Variants in SYT7 observed in about 807,000 individuals in gnomAD.
The protein encoded by SYT7 is synaptotagmin 7.
Under a neutral mutation model 75.1 loss-of-function variants are expected in SYT7, and 29 were observed. That is an observed-to-expected ratio of 0.39 (90% CI 0.29 to 0.53). SYT7 has a LOEUF of 0.53. Ranked by LOEUF, SYT7 falls within the 20% of genes least tolerant of loss-of-function variation. The pLI is 0.77. For missense variants in SYT7, 693 were observed against 953.2 expected (o/e 0.73, Z 3.59); for synonymous variants, 376 against 401.7 (o/e 0.94, Z 0.76).
chr11:61,551,614 G>A lies in SYT7; in HGVS notation c.136-151C>T. On this transcript the variant is annotated intron_variant, in intron 2 of 12. Coordinates refer to ENST00000539008, the MANE Select transcript of SYT7 (RefSeq NM_001365809.2). This position sits in a 1 kb window ranked among gnomAD's most constrained non-coding sequence, Gnocchi z 5.3. ...GTGTGCGAGGCTGTCACCGCGGTGG[G>A]GGCCAATCCCCTGGATGCCTGCTCC... is the stretch of plus-strand genomic sequence containing the variant. 2 of 757,624 alleles carry A rather than the reference G, an allele frequency of 2.6e-6. No individual in the cohort carries two copies. The highest frequency in any genetic ancestry group is 1.8e-5 in the South Asian group (1 of 56,778). 46.9% of individuals were successfully genotyped at this position (757,624 alleles called of 1,614,324 possible).
intron 1 of SYT7, among the ~76,000 whole-genome samples, chr11:61,557,383 T>C (rs184200488): frequency 7.2e-5 from 11 of 152,256 alleles, no homozygotes; most frequent in African/African-American, 2.7e-4. Flanking sequence ...CCTGCGGTTT[T>C]AGCTTCTGCC....
At chr11:61,556,787 T>G (rs1421420247) in intron 1 of SYT7, among the ~76,000 whole-genome samples, 1 of 152,228 alleles carries the variant, frequency 6.6e-6, no homozygotes, top group East Asian at 1.9e-4. Flanking sequence ...AAGGAATCTC[T>G]GGAACCCTCT....
chr11:61,549,532 C>T lies in SYT7; in HGVS notation c.215+1852G>A, dbSNP rs115058989. ...CAGTTTCCCAGAATCCTTGATAAGA[C>T]GATCCTCTGTTGGGGGTCCTAAGCC... On this transcript the variant is annotated intron_variant, in intron 3 of 12. Coordinates refer to ENST00000539008, the MANE Select transcript of SYT7 (RefSeq NM_001365809.2). 6.1e-3 allele frequency among the ~76,000 whole-genome samples: 936 copies of T among 152,310 alleles called. 8 individuals are homozygous for T. Among genetic ancestry groups the T allele is most frequent in the African/African-American group, 0.02 (846 of 41,542 alleles).
chr11:61,556,445 G>A (rs374648301), intron 1 of SYT7, among the ~76,000 whole-genome samples: 2 of 152,194 alleles, frequency 1.3e-5, no homozygotes, highest in Admixed American at 1.3e-4. Context: ...ATCTTTCTCT[G>A]TCTCTCCCTG....
chr11:61,580,872 C>T lies in SYT7; in HGVS notation c.-52G>A, dbSNP rs1028865111. On this transcript the variant is annotated 5_prime_UTR_variant, in exon 1 of 13. Coordinates refer to ENST00000539008, the MANE Select transcript of SYT7 (RefSeq NM_001365809.2). The surrounding 1 kb of genome is among the most constrained non-coding windows in gnomAD (Gnocchi z 6.1). ...GGCTCCTCAGAGCCGCCCGCGGCCG[C>T]GCGCTGCTCCGCCGCCGCCGCTGGG... 6.0e-6 allele frequency: 7 copies of T among 1,165,490 alleles called. No homozygotes were observed. Among genetic ancestry groups the T allele is most frequent in the Middle Eastern group, 3.5e-4 (1 of 2,870 alleles). The allele number at this position is 1,165,490 out of a possible 1,614,324, so 72.2% of individuals were successfully genotyped here. A position where few individuals can be genotyped will look rare whatever the true frequency, so the allele number is the denominator to read the frequency against.
chr11:61,547,578 A>C (rs2063228931), intron 3 of SYT7, among the ~76,000 whole-genome samples: 1 of 151,462 alleles, frequency 6.6e-6, no homozygotes, highest in African/African-American at 2.4e-5. Context: ...CACAGAAAGG[A>C]GGCAAGCGGC....
chr11:61,580,262 A>C lies in SYT7; in HGVS notation c.31+528T>G, dbSNP rs1590971277. On this transcript the variant is annotated intron_variant, in intron 1 of 12. Transcript: ENST00000539008. This position sits in a 1 kb window ranked among gnomAD's most constrained non-coding sequence, Gnocchi z 6.1. ...ACGCCCCTGCAGTTCCCCACCCCCCAGAACCTCCCTGCCCAGCTGCCGCAC... is the reference window on the plus strand; with the variant it reads ...ACGCCCCTGCAGTTCCCCACCCCCCCGAACCTCCCTGCCCAGCTGCCGCAC... Among the ~76,000 whole-genome samples the C allele has an allele frequency of 2.5e-5, 3 of 119,554 alleles. No individual in the cohort carries two copies. Among genetic ancestry groups the C allele is most frequent in the Non-Finnish European group, 3.6e-5 (2 of 55,060 alleles). 78.4% of individuals were successfully genotyped at this position (119,554 alleles called of 152,430 possible).
chr11:61,583,554 A>G (rs1384162152), upstream of SYT7, among the ~76,000 whole-genome samples: 1 of 152,214 alleles, frequency 6.6e-6, no homozygotes, highest in Non-Finnish European at 1.5e-5. Context: ...GGAGCTGGTG[A>G]GAGAACCTGG....
At chr11:61,552,622 A>C (rs979038071) in intron 2 of SYT7, among the ~76,000 whole-genome samples, 5 of 152,184 alleles carry the variant, frequency 3.3e-5, no homozygotes, top group African/African-American at 1.2e-4. Flanking sequence ...GATTCCTGTC[A>C]CAGCCATGCT....
At chr11:61,567,924 G>A (rs2063817512) in intron 1 of SYT7, among the ~76,000 whole-genome samples, 1 of 152,242 alleles carries the variant, frequency 6.6e-6, no homozygotes, top group Non-Finnish European at 1.5e-5. Context: ...CTGGGTCACA[G>A]TGCAGCCTCA....
intron 1 of SYT7, among the ~76,000 whole-genome samples, chr11:61,577,762 C>T (rs1278272823): frequency 1.3e-5 from 2 of 152,242 alleles, no homozygotes; most frequent in Admixed American, 1.3e-4. Flanking sequence ...CTCCCAGGGA[C>T]AAGCTCACAG....
chr11:61,524,474 G>A lies in SYT7; in HGVS notation c.1530C>T (p.Asp510=), dbSNP rs1301743382. Residue 510 remains aspartate (D), a synonymous_variant, in exon 10 of 13, where the codon GAC becomes GAT. Transcript: ENST00000539008. The surrounding 1 kb of genome is among the most constrained non-coding windows in gnomAD (Gnocchi z 4.1). Reference sequence around the variant, plus strand: ...CAATGGGGTCGTTGCGGCTGAAGCGGTCATAGTCCAGGACTTGGAGGTAGA... The same window carrying A: ...CAATGGGGTCGTTGCGGCTGAAGCGATCATAGTCCAGGACTTGGAGGTAGA... ...RILYLQVLDY[D]RFSRNDPIGE... 1 of 1,613,100 alleles carries A rather than the reference G, an allele frequency of 6.2e-7. No individual in the cohort carries two copies. Among genetic ancestry groups the A allele is most frequent in the Admixed American group, 1.7e-5 (1 of 59,930 alleles).
intron 1 of SYT7, among the ~76,000 whole-genome samples, chr11:61,574,685 A>C (rs1274721207): frequency 6.6e-6 from 1 of 151,606 alleles, no homozygotes; most frequent in East Asian, 2.0e-4. Flanking sequence ...GACGCGGGGC[A>C]CTTCCTCTGA....
intron 1 of SYT7, among the ~76,000 whole-genome samples, chr11:61,558,317 C>T (rs1049441910): frequency 1.3e-5 from 2 of 151,862 alleles, no homozygotes; most frequent in African/African-American, 2.4e-5. Flanking sequence ...GGCATGGTGA[C>T]GTGTGCCTGT....
At position 61,513,826 on chromosome 11, in the gene SYT7, T is replaced by C. The variant is rs1026637870; in HGVS notation, c.*4801A>G. On this transcript the variant is annotated 3_prime_UTR_variant, in exon 13 of 13. Transcript: ENST00000539008. ...CACAATCTACACAAGACACGACACA[T>C]ACACGCAGGACACAGACACGGGGAG... Among the ~76,000 whole-genome samples, 1 of 152,158 alleles carries C rather than the reference T, an allele frequency of 6.6e-6. No individual in the cohort carries two copies. The highest frequency in any genetic ancestry group is 2.4e-5 in the African/African-American group (1 of 41,428).
At chr11:61,550,233 A>C (rs1004439178) in intron 3 of SYT7, among the ~76,000 whole-genome samples, 1 of 152,050 alleles carries the variant, frequency 6.6e-6, no homozygotes, top group Non-Finnish European at 1.5e-5. Context: ...ACACATGCAC[A>C]CAGCTTCTAC....
upstream of SYT7, among the ~76,000 whole-genome samples, chr11:61,585,066 C>T (rs1040092866): frequency 6.6e-6 from 1 of 152,006 alleles, no homozygotes; most frequent in Non-Finnish European, 1.5e-5. Context: ...AGTCCTGGGT[C>T]GGCTTCAGGG....
Position 61,546,581 on chromosome 11 carries a change from GGC to G in SYT7, c.348-328_348-327del. ...CCTCCCCACCGCCTGGGGCAGGGGC[GGC>G]GGGGGTTGGGGGAGGGCAGCCACCT... On this transcript the variant is annotated intron_variant, in intron 4 of 12. Coordinates refer to ENST00000539008, the MANE Select transcript of SYT7 (RefSeq NM_001365809.2). This position sits in a 1 kb window ranked among gnomAD's most constrained non-coding sequence, Gnocchi z 7.6. 1 of 485,634 alleles carries G rather than the reference GGC, an allele frequency of 2.1e-6. No individual in the cohort carries two copies. The allele number at this position is 485,634 out of a possible 1,614,324, so 30.1% of individuals were successfully genotyped here.
At chr11:61,521,807 G>A (rs571872449) in intron 12 of SYT7, among the ~76,000 whole-genome samples, 1 of 152,192 alleles carries the variant, frequency 6.6e-6, no homozygotes, top group African/African-American at 2.4e-5. Context: ...CATACTCCTG[G>A]TCAAACTGTC....
Sources: gnomAD v4.1 joint callset for allele counts (sites outside exome capture counted in the v4.1 genomes callset) on GRCh38, gnomAD v4.1.1 for gene constraint, Gnocchi (gnomAD v3.1) non-coding constraint, MANE v1.5 for transcripts, NCBI Gene and HGNC (gene_info 2026-07-23, HGNC 2026-07-21) for gene names.